The following FAM13A variants were observed in gnomAD, a reference collection of about 807,000 sequenced individuals.
The protein encoded by FAM13A is family with sequence similarity 13 member A.
In FAM13A, 76 loss-of-function variants were observed where a neutral mutation model predicts 129.6. That is an observed-to-expected ratio of 0.59 (90% CI 0.49 to 0.71). The LOEUF (loss-of-function observed/expected upper bound fraction) is 0.71, where lower values mean the gene tolerates loss of function less well. Ranked by LOEUF, FAM13A falls within the 30% of genes least tolerant of loss-of-function variation. The pLI is 0.00. For missense variants in FAM13A, 1,108 were observed against 1,249.3 expected (o/e 0.89, Z 1.70); for synonymous variants, 443 against 449.9 (o/e 0.98, Z 0.20).
chr4:88,751,270 C>G (rs1252461163), intron 14 of FAM13A, among the ~76,000 whole-genome samples: 4 of 151,922 alleles, frequency 2.6e-5, no homozygotes, highest in Non-Finnish European at 5.9e-5. Context: ...CAAAAAAAAA[C>G]AAAGAAAAGA....
intron 6 of FAM13A, among the ~76,000 whole-genome samples, chr4:88,859,948 A>T (rs774762062): frequency 1.9e-4 from 29 of 152,194 alleles, no homozygotes; most frequent in Non-Finnish European, 3.1e-4. Context: ...CAATTAATGA[A>T]TATTCAAAAT....
intron 13 of FAM13A, among the ~76,000 whole-genome samples, chr4:88,764,161 T>G (rs1358200272): frequency 2.0e-5 from 3 of 152,216 alleles, no homozygotes; most frequent in Non-Finnish European, 4.4e-5. Context: ...TCTTTTCCTT[T>G]TTTTTGAAGC....
intron 1 of FAM13A, among the ~76,000 whole-genome samples, chr4:89,047,646 G>T (rs1458041281): frequency 6.6e-6 from 1 of 152,132 alleles, no homozygotes; most frequent in South Asian, 2.1e-4. Flanking sequence ...ACCCCTCCAT[G>T]CCCTAGGCTG....
chr4:88,751,110 C>A (rs563238149), intron 14 of FAM13A, among the ~76,000 whole-genome samples: 1 of 152,120 alleles, frequency 6.6e-6, no homozygotes, highest in Non-Finnish European at 1.5e-5. Flanking sequence ...GGCGTGGTGG[C>A]GGATGCCTGT....
At chr4:88,744,069 G>C (rs1382511497) in intron 19 of FAM13A, among the ~76,000 whole-genome samples, 1 of 152,158 alleles carries the variant, frequency 6.6e-6, no homozygotes, top group Non-Finnish European at 1.5e-5. Context: ...ATCCAAAACA[G>C]CAGCTAACCG....
intron 6 of FAM13A, among the ~76,000 whole-genome samples, chr4:88,865,095 AAAAC>A (rs1740153891): frequency 6.6e-6 from 1 of 152,230 alleles, no homozygotes; most frequent in Admixed American, 6.5e-5. Flanking sequence ...ATATGAGTCA[AAAAC>A]AAAATAAAAG....
At chr4:88,841,607 T>C (rs755674333) in intron 7 of FAM13A, among the ~76,000 whole-genome samples, 2 of 152,042 alleles carry the variant, frequency 1.3e-5, no homozygotes, top group Non-Finnish European at 2.9e-5. Flanking sequence ...TAACAGAGAA[T>C]TTGATAAGAC....
chr4:88,827,641 GA>G (rs1733231842), intron 7 of FAM13A, among the ~76,000 whole-genome samples: 2 of 152,088 alleles, frequency 1.3e-5, no homozygotes, highest in African/African-American at 4.8e-5. Flanking sequence ...TTTAAACCAT[GA>G]GTCATCTTTA....
intron 5 of FAM13A, among the ~76,000 whole-genome samples, chr4:88,907,119 A>G (rs1207664517): frequency 1.3e-5 from 2 of 152,254 alleles, no homozygotes; most frequent in African/African-American, 2.4e-5. Flanking sequence ...CAGAAATGAC[A>G]GTAATCTTGT....
chr4:88,823,225 A>G, intron 7 of FAM13A: 1 of 1,391,092 alleles, frequency 7.2e-7, no homozygotes, highest in Non-Finnish European at 9.3e-7. Context: ...CTGCTTCTCT[A>G]CATTTACACT....
intron 19 of FAM13A, among the ~76,000 whole-genome samples, chr4:88,743,406 A>C (rs1740643140): frequency 6.6e-6 from 1 of 152,242 alleles, no homozygotes; most frequent in African/African-American, 2.4e-5. Flanking sequence ...ACAAAGGTGA[A>C]AGGTAAAATG....
At chr4:89,054,290 TACAC>T (rs1189308572) in intron 1 of FAM13A, among the ~76,000 whole-genome samples, 2 of 86,314 alleles carry the variant, frequency 2.3e-5, no homozygotes, top group East Asian at 5.2e-4. Flanking sequence ...CACACAAAGA[TACAC>T]ACAGACACAC....
intron 6 of FAM13A, among the ~76,000 whole-genome samples, chr4:88,871,966 C>G (rs1029174583): frequency 1.3e-5 from 2 of 152,172 alleles, no homozygotes; most frequent in Non-Finnish European, 2.9e-5. Context: ...ACTCTACAAG[C>G]CAGAAGAGAG....
chr4:88,781,484 A>T, intron 10 of FAM13A, 133 bp from the exon 11 acceptor site: 1 of 557,158 alleles, frequency 1.8e-6, no homozygotes, highest in Non-Finnish European at 3.0e-6. Context: ...TCTGATCAAA[A>T]TCTGAGCAGA....
At chr4:88,996,747 C>T (rs1297057477) in intron 3 of FAM13A, among the ~76,000 whole-genome samples, 1 of 151,010 alleles carries the variant, frequency 6.6e-6, no homozygotes, top group Non-Finnish European at 1.5e-5. Flanking sequence ...ATGTCTCCAG[C>T]CAAAGTAAAA....
Position 88,907,749 on chromosome 4 carries a change from C to G in FAM13A, c.760-1287G>C, listed in dbSNP as rs1748399162. Among the ~76,000 whole-genome samples the G allele has an allele frequency of 2.6e-5, 4 of 152,318 alleles. No individual in the cohort carries two copies. In the South Asian group the frequency reaches 8.3e-4, roughly 32 times the overall value. ...TCTGTAAAACATTAGGGCCTGAGCT[C>G]TTAATACCTTTATATATTACTCATC... is the stretch of plus-strand genomic sequence containing the variant. On this transcript the variant is annotated intron_variant, in intron 5 of 23. Transcript: ENST00000264344.
At chr4:89,015,045 C>T (rs1006969885) in intron 3 of FAM13A, among the ~76,000 whole-genome samples, 1 of 152,146 alleles carries the variant, frequency 6.6e-6, no homozygotes, top group Non-Finnish European at 1.5e-5. Context: ...CTAAAATGGC[C>T]GCTCTGGGAA....
intron 5 of FAM13A, among the ~76,000 whole-genome samples, chr4:88,929,428 C>G (rs183374973): frequency 6.6e-6 from 1 of 152,110 alleles, no homozygotes; most frequent in East Asian, 1.9e-4. Flanking sequence ...ATCTGGATGT[C>G]TAACTTTCTT....
intron 5 of FAM13A, among the ~76,000 whole-genome samples, chr4:88,923,789 T>C (rs1276508044): frequency 2.0e-5 from 3 of 152,146 alleles, no homozygotes; most frequent in Admixed American, 1.3e-4. Context: ...GACATGATTG[T>C]ATATCTAGAA....
Sources: gnomAD v4.1 joint callset for allele counts (sites outside exome capture counted in the v4.1 genomes callset) on GRCh38, gnomAD v4.1.1 for gene constraint, MANE v1.5 for transcripts, NCBI Gene and HGNC (gene_info 2026-07-23, HGNC 2026-07-21) for gene names.